The following CDK8 variants were observed in gnomAD, a reference collection of about 807,000 sequenced individuals.
CDK8 encodes the protein cyclin dependent kinase 8, also known as cyclin-dependent kinase 8.
A neutral mutation model predicts 71.5 loss-of-function variants in CDK8; 29 were observed. The observed-to-expected ratio is 0.41, with a 90% confidence interval of 0.30 to 0.55. CDK8 has a LOEUF of 0.55. CDK8 is among the 20% of genes least tolerant of loss of function. The pLI is 0.37. For synonymous variants in CDK8, 161 were observed against 192.1 expected (o/e 0.84, Z 1.34); for missense variants, 288 against 572.6 (o/e 0.50, Z 5.07).
intron 1 of CDK8, among the ~76,000 whole-genome samples, chr13:26,322,343 C>A (rs1473662965): frequency 6.6e-6 from 1 of 152,130 alleles, no homozygotes. Context: ...AATGACCCTG[C>A]CTTGTGAGAT....
chr13:26,379,872 C>T (rs1187109116), intron 4 of CDK8, among the ~76,000 whole-genome samples: 3 of 151,962 alleles, frequency 2.0e-5, no homozygotes, highest in South Asian at 2.1e-4. Context: ...CTTTATAGTT[C>T]GAATTGTTTA....
At chr13:26,262,194 C>G (rs1002833430) in intron 1 of CDK8, among the ~76,000 whole-genome samples, 22 of 152,198 alleles carry the variant, frequency 1.4e-4, no homozygotes, top group Non-Finnish European at 2.9e-5. Flanking sequence ...TACCCGTCAC[C>G]CTGCAAAACA....
intron 1 of CDK8, among the ~76,000 whole-genome samples, chr13:26,256,927 A>G (rs1021113892): frequency 6.6e-5 from 10 of 152,160 alleles, no homozygotes; most frequent in African/African-American, 2.4e-4. Flanking sequence ...TTTTAAAATT[A>G]CAGGGATTTT....
chr13:26,352,605 T>G (rs1164478747), intron 3 of CDK8, among the ~76,000 whole-genome samples: 2 of 152,222 alleles, frequency 1.3e-5, no homozygotes, highest in African/African-American at 4.8e-5. Flanking sequence ...TAAATTGTTG[T>G]AGCTCTGTTT....
At chr13:26,378,922 A>C (rs530053958) in intron 4 of CDK8, among the ~76,000 whole-genome samples, 7 of 152,234 alleles carry the variant, frequency 4.6e-5, no homozygotes, top group Non-Finnish European at 8.8e-5. Flanking sequence ...ATTAAGTACT[A>C]AAACAAAAAT....
At chr13:26,298,073 A>G (rs1161455965) in intron 1 of CDK8, among the ~76,000 whole-genome samples, 1 of 152,080 alleles carries the variant, frequency 6.6e-6, no homozygotes. Flanking sequence ...GTACCAATCT[A>G]ATACTTCCCC....
At position 26,254,313 on chromosome 13, in the gene CDK8, A is replaced by T. The variant is rs1323424348; in HGVS notation, c.-329A>T. ...AGGAGCAGAACGCGCGGCCGGAGAG[A>T]GCGGCGGAGCCGGCGCCCAGGGAGC... On this transcript the variant is annotated 5_prime_UTR_variant, in exon 1 of 13. Coordinates refer to ENST00000381527, the MANE Select transcript of CDK8 (RefSeq NM_001260.3). This position sits in a 1 kb window ranked among gnomAD's most constrained non-coding sequence, Gnocchi z 6.7. 3.6e-6 allele frequency: 1 copy of T among 278,092 alleles called. No individual in the cohort carries two copies. The highest frequency in any genetic ancestry group is 6.9e-6 in the Non-Finnish European group (1 of 145,390). 17.2% of individuals were successfully genotyped at this position (278,092 alleles called of 1,614,324 possible).
chr13:26,351,405 C>G (rs982241040), intron 3 of CDK8, among the ~76,000 whole-genome samples: 3 of 151,932 alleles, frequency 2.0e-5, no homozygotes, highest in African/African-American at 7.3e-5. Flanking sequence ...CTAATCAGAT[C>G]AACCCTGTTA....
intron 4 of CDK8, among the ~76,000 whole-genome samples, chr13:26,369,587 A>G (rs111672686): frequency 1.5e-4 from 18 of 123,524 alleles, no homozygotes; most frequent in Non-Finnish European, 2.9e-4. Context: ...GGAGTGCAGT[A>G]GCGTGATCTC....
chr13:26,387,186 T>G (rs1379026523), intron 6 of CDK8, among the ~76,000 whole-genome samples: 1 of 152,228 alleles, frequency 6.6e-6, no homozygotes, highest in Non-Finnish European at 1.5e-5. Flanking sequence ...GCCTACTATC[T>G]GTGAAGACAA....
intron 1 of CDK8, among the ~76,000 whole-genome samples, chr13:26,295,546 G>A (rs185467081): frequency 7.4e-4 from 113 of 152,326 alleles, no homozygotes; most frequent in African/African-American, 2.7e-3. Flanking sequence ...AGAGTAAAGA[G>A]TCTTTGAAGA....
Position 26,254,279 on chromosome 13 carries a change from C to T in CDK8, c.-363C>T. 1 of 278,168 alleles carries T rather than the reference C, an allele frequency of 3.6e-6. No individual in the cohort carries two copies. Among genetic ancestry groups the T allele is most frequent in the Non-Finnish European group, 6.9e-6 (1 of 145,772 alleles). 17.2% of individuals were successfully genotyped at this position (278,168 alleles called of 1,614,324 possible). On this transcript the variant is annotated 5_prime_UTR_variant, in exon 1 of 13. Coordinates refer to ENST00000381527, the MANE Select transcript of CDK8 (RefSeq NM_001260.3). This position sits in a 1 kb window ranked among gnomAD's most constrained non-coding sequence, Gnocchi z 6.7. ...GCCCGCCTGGCCGCCCCGCCGCTCC[C>T]GCCGCAGCAGGAGCAGAACGCGCGG...
At chr13:26,289,717 A>T (rs1873208047) in intron 1 of CDK8, among the ~76,000 whole-genome samples, 1 of 151,780 alleles carries the variant, frequency 6.6e-6, no homozygotes, top group African/African-American at 2.4e-5. Flanking sequence ...TGCACAGCTA[A>T]TTTTTTGTAT....
At chr13:26,336,152 T>TAC (rs1394672780) in intron 1 of CDK8, among the ~76,000 whole-genome samples, 4 of 151,052 alleles carry the variant, frequency 2.6e-5, no homozygotes, top group Admixed American at 6.6e-5. Flanking sequence ...CATACACACA[T>TAC]ACACACACAC....
chr13:26,355,837 C>T (rs544592824), intron 4 of CDK8, among the ~76,000 whole-genome samples: 1 of 152,024 alleles, frequency 6.6e-6, no homozygotes, highest in South Asian at 2.1e-4. Context: ...TAAGATAGCT[C>T]TACATTTTCT....
intron 2 of CDK8, among the ~76,000 whole-genome samples, chr13:26,343,804 A>G (rs185616763): frequency 2.0e-5 from 3 of 152,238 alleles, no homozygotes; most frequent in Admixed American, 1.3e-4. Flanking sequence ...TTTTTTCACT[A>G]TTGTAATAAC....
At chr13:26,333,442 T>A (rs1273345018) in intron 1 of CDK8, among the ~76,000 whole-genome samples, 1 of 152,164 alleles carries the variant, frequency 6.6e-6, no homozygotes, top group Non-Finnish European at 1.5e-5. Context: ...ACCCGGCTGA[T>A]ATGCTGTATT....
At chr13:26,278,344 G>A (rs532301468) in intron 1 of CDK8, among the ~76,000 whole-genome samples, 20 of 152,222 alleles carry the variant, frequency 1.3e-4, no homozygotes, top group African/African-American at 4.6e-4. Flanking sequence ...TTAAAATAAT[G>A]CTCTTTAAAA....
intron 4 of CDK8, among the ~76,000 whole-genome samples, chr13:26,379,727 G>A (rs1459783508): frequency 2.0e-5 from 3 of 152,212 alleles, no homozygotes; most frequent in Non-Finnish European, 4.4e-5. Flanking sequence ...AATCTTTTAG[G>A]ATTGAACACT....
Sources: allele counts gnomAD v4.1 joint callset (sites outside exome capture counted in the v4.1 genomes callset), GRCh38; gene constraint gnomAD v4.1.1; non-coding constraint Gnocchi (gnomAD v3.1); transcripts MANE v1.5; gene names NCBI Gene and HGNC (gene_info 2026-07-23, HGNC 2026-07-21).